Variants in PKHD1L1 observed in about 807,000 individuals in gnomAD.
The protein encoded by PKHD1L1 is fibrocystin-L.
PKHD1L1 carries 434 observed loss-of-function variants against 462.9 expected under a neutral mutation model. That is an observed-to-expected ratio of 0.94 (90% CI 0.87 to 1.02). The LOEUF (loss-of-function observed/expected upper bound fraction) is 1.02. Among genes scored for constraint, PKHD1L1 ranks in the 50% least tolerant of loss-of-function variants. The pLI is 0.00. For synonymous variants in PKHD1L1, 1,781 were observed against 1,750.0 expected, an observed-to-expected ratio of 1.02 and a Z score of -0.44; for missense variants, 5,202 against 5,096.1, an observed-to-expected ratio of 1.02 and a Z score of -0.63.
chr8:109,506,690 C>A (rs1016581809), intron 68 of PKHD1L1, among the ~76,000 whole-genome samples: 16 of 152,060 alleles, frequency 1.1e-4, no homozygotes, highest in African/African-American at 3.6e-4. Context: ...TATTAAAATC[C>A]TTCTCTAAAA....
intron 50 of PKHD1L1, among the ~76,000 whole-genome samples, chr8:109,468,513 T>G (rs1563579178): frequency 6.6e-6 from 1 of 152,218 alleles, no homozygotes; most frequent in Non-Finnish European, 1.5e-5. Context: ...CAGCAAGTGT[T>G]GAATTAAATG....
intron 71 of PKHD1L1, among the ~76,000 whole-genome samples, chr8:109,511,237 A>C (rs1406076480): frequency 1.3e-5 from 2 of 152,126 alleles, no homozygotes; most frequent in Non-Finnish European, 2.9e-5. Context: ...GTACATGTGC[A>C]CAATGTGTAG....
intron 57 of PKHD1L1, among the ~76,000 whole-genome samples, chr8:109,484,080 C>A (rs1337390702): frequency 6.6e-6 from 1 of 151,738 alleles, no homozygotes; most frequent in East Asian, 1.9e-4. Flanking sequence ...TTAGTTTGGG[C>A]AAATCAATGC....
At chr8:109,401,210 G>A (rs1416664640) in intron 13 of PKHD1L1, among the ~76,000 whole-genome samples, 3 of 151,998 alleles carry the variant, frequency 2.0e-5, no homozygotes, top group Admixed American at 1.3e-4. Context: ...TATCTTCTTA[G>A]TTTCCACTGC....
intron 2 of PKHD1L1, among the ~76,000 whole-genome samples, chr8:109,365,170 C>T (rs1811169242): frequency 1.3e-5 from 2 of 152,142 alleles, no homozygotes; most frequent in Admixed American, 1.3e-4. Flanking sequence ...ATGTAGAAGG[C>T]AATCAGTAAA....
intron 4 of PKHD1L1, among the ~76,000 whole-genome samples, chr8:109,383,230 TA>T (rs1460957602): frequency 1.1e-5 from 1 of 91,640 alleles, no homozygotes; most frequent in Non-Finnish European, 2.1e-5. Flanking sequence ...ATATATTATA[TA>T]TAGTTATATA....
At chr8:109,524,567 T>C (rs972031646) in intron 76 of PKHD1L1, among the ~76,000 whole-genome samples, 1 of 152,194 alleles carries the variant, frequency 6.6e-6, no homozygotes, top group Non-Finnish European at 1.5e-5. Context: ...GACTAAGGTC[T>C]TCAAACTACA....
chr8:109,412,504 G>A lies in PKHD1L1; in HGVS notation c.2235+90G>A, dbSNP rs1260684936. The A allele has an allele frequency of 2.2e-6, 3 of 1,346,592 alleles. No homozygotes were observed. The African/African-American group carries it at 4.4e-5, about 20-fold the overall frequency. The allele number at this position is 1,346,592 out of a possible 1,614,324, so 83.4% of individuals were successfully genotyped here. ...AATTTTAAGACAAGAAAAAATATTTGCCATATAAATAGTATGTCATATTGT... is the reference window on the plus strand; with the variant it reads ...AATTTTAAGACAAGAAAAAATATTTACCATATAAATAGTATGTCATATTGT... On this transcript the variant is annotated intron_variant, in intron 20 of 77. Coordinates refer to ENST00000378402, the MANE Select transcript of PKHD1L1 (RefSeq NM_177531.6).
chr8:109,461,731 C>A (rs745317373), intron 47 of PKHD1L1, 41 bp from the exon 48 acceptor site: 1 of 1,560,844 alleles, frequency 6.4e-7, no homozygotes, highest in Non-Finnish European at 8.7e-7. Flanking sequence ...TAAGAGGATT[C>A]CGACAATTTT....
chr8:109,446,806 C>T (rs974920023), intron 38 of PKHD1L1, among the ~76,000 whole-genome samples: 1 of 152,020 alleles, frequency 6.6e-6, no homozygotes, highest in Admixed American at 6.6e-5. Context: ...GAGAACTGAG[C>T]TGTTTTATTT....
chr8:109,466,262 G>A (rs948874694), intron 49 of PKHD1L1, among the ~76,000 whole-genome samples: 3 of 152,120 alleles, frequency 2.0e-5, no homozygotes, highest in Non-Finnish European at 4.4e-5. Flanking sequence ...AGGCTTTATG[G>A]TCATAACACC....
chr8:109,436,550 T>C (rs1300858842), intron 30 of PKHD1L1, 91 bp downstream of exon 30: 1 of 1,539,968 alleles, frequency 6.5e-7, no homozygotes, highest in African/African-American at 1.4e-5. Flanking sequence ...GTGAAACAAG[T>C]GGTGTATTTA....
At chr8:109,428,149 G>A (rs778272730) in intron 25 of PKHD1L1, among the ~76,000 whole-genome samples, 1 of 151,280 alleles carries the variant, frequency 6.6e-6, no homozygotes, top group Non-Finnish European at 1.5e-5. Context: ...AGATAACTTA[G>A]TAGTATCTTA....
In PKHD1L1 at chr8:109,456,494, T is replaced by C. The variant is rs549571203; in HGVS notation, c.7004+103T>C. 4.3e-6 allele frequency: 5 copies of C among 1,156,180 alleles called. No individual in the cohort carries two copies. The Admixed American group carries it at 1.7e-4, about 40-fold the overall frequency. 71.6% of individuals were successfully genotyped at this position (1,156,180 alleles called of 1,614,324 possible). On this transcript the variant is annotated intron_variant, in intron 46 of 77. Coordinates refer to ENST00000378402, the MANE Select transcript of PKHD1L1 (RefSeq NM_177531.6). ...GGTGCATGACTATTTGGTTTAAACT[T>C]GAAATCTCTAATAAAGAAATATGAA...
At chr8:109,369,982 C>G (rs77590471) in intron 2 of PKHD1L1, among the ~76,000 whole-genome samples, 3,909 of 152,140 alleles carry the variant, frequency 0.026, 164 homozygotes, top group African/African-American at 0.09. Context: ...AAATCTCTAC[C>G]CTTTATTGAG....
At position 109,532,135 on chromosome 8, in the gene PKHD1L1, A is replaced by C. The variant is rs1419186051; in HGVS notation, c.*2045A>C. Among the ~76,000 whole-genome samples, 1 of 152,200 alleles carries C rather than the reference A, an allele frequency of 6.6e-6. No individual in the cohort carries two copies. The highest frequency in any genetic ancestry group is 1.5e-5 in the Non-Finnish European group (1 of 68,022). ...CTTACCTAAAGGTTTAATTCAGCCC[A>C]CTGGAGTTTTTTGTCAAGATTTTTT... On this transcript the variant is annotated 3_prime_UTR_variant, in exon 78 of 78. Transcript: ENST00000378402.
intron 10 of PKHD1L1, among the ~76,000 whole-genome samples, chr8:109,395,036 G>T (rs1461578261): frequency 6.6e-6 from 1 of 152,136 alleles, no homozygotes; most frequent in Non-Finnish European, 1.5e-5. Flanking sequence ...GACTGACTGG[G>T]GCTGCAGCTG....
Position 109,425,244 on chromosome 8 carries a change from A to C in PKHD1L1, c.2845+12A>C, listed in dbSNP as rs933870392. ...ACATATTCTTAAAGGTATATGAAAAAAATTTAAAATATTGGTGTATACGCA... is the reference window on the plus strand; with the variant it reads ...ACATATTCTTAAAGGTATATGAAAACAATTTAAAATATTGGTGTATACGCA... On this transcript the variant is annotated intron_variant, in intron 24 of 77. Transcript: ENST00000378402. The C allele has an allele frequency of 6.4e-7, 1 of 1,561,868 alleles. No individual in the cohort carries two copies. Among genetic ancestry groups the C allele is most frequent in the Admixed American group, 2.1e-5 (1 of 48,752 alleles).
At chr8:109,378,831 A>G (rs1003595149) in intron 2 of PKHD1L1, among the ~76,000 whole-genome samples, 1 of 152,228 alleles carries the variant, frequency 6.6e-6, no homozygotes, top group Non-Finnish European at 1.5e-5. Flanking sequence ...ATTGGAATCC[A>G]GAAATTAGAA....
Sources: gnomAD v4.1 joint callset for allele counts (sites outside exome capture counted in the v4.1 genomes callset) on GRCh38, gnomAD v4.1.1 for gene constraint, MANE v1.5 for transcripts, NCBI Gene and HGNC (gene_info 2026-07-23, HGNC 2026-07-21) for gene names.